CDH18: variants seen among roughly 807,000 people sequenced by gnomAD.
CDH18 encodes the protein cadherin-18.
A neutral mutation model predicts 67.9 loss-of-function variants in CDH18; 31 were observed. The observed-to-expected ratio is 0.46, with a 90% CI of 0.34 to 0.62. The LOEUF (loss-of-function observed/expected upper bound fraction) is 0.62, where lower values mean the gene tolerates loss of function less well. CDH18 is among the 20% of genes least tolerant of loss of function. The pLI is 0.01. For missense variants in CDH18, 890 were observed against 975.5 expected (o/e 0.91, Z 1.17); for synonymous variants, 362 against 347.2 (o/e 1.04, Z -0.48).
intron 2 of CDH18, among the ~76,000 whole-genome samples, chr5:20,109,917 C>T (rs1297900788): frequency 6.6e-6 from 1 of 152,094 alleles, no homozygotes; most frequent in Non-Finnish European, 1.5e-5. Flanking sequence ...AAACTAAATA[C>T]TTGTGTTAGA....
intron 2 of CDH18, among the ~76,000 whole-genome samples, chr5:19,935,417 C>T (rs1794127284): frequency 6.6e-6 from 1 of 151,260 alleles, no homozygotes; most frequent in Non-Finnish European, 1.5e-5. Flanking sequence ...GCTATTAATA[C>T]AGTATTTTAA....
At chr5:20,143,138 A>G (rs1177042110) in intron 2 of CDH18, among the ~76,000 whole-genome samples, 1 of 152,140 alleles carries the variant, frequency 6.6e-6, no homozygotes, top group East Asian at 1.9e-4. Flanking sequence ...GGAAAGGTAC[A>G]AAGTTCCCAT....
intron 2 of CDH18, among the ~76,000 whole-genome samples, chr5:20,153,597 A>G (rs6889786): frequency 0.43 from 65,322 of 151,958 alleles, 14,952 homozygotes; most frequent in Middle Eastern, 0.61. Flanking sequence ...AAAAATATAA[A>G]TTTATTTTCT....
intron 3 of CDH18, among the ~76,000 whole-genome samples, chr5:19,766,737 C>CCA (rs1327571275): frequency 3.3e-5 from 5 of 152,166 alleles, no homozygotes; most frequent in Admixed American, 2.6e-4. Flanking sequence ...GCCAACCCAT[C>CCA]CACATCTAAT....
At chr5:20,467,144 T>C (rs11955938) in intron 1 of CDH18, among the ~76,000 whole-genome samples, 76,133 of 151,906 alleles carry the variant, frequency 0.5, 19,403 homozygotes, top group Non-Finnish European at 0.52. Flanking sequence ...TTGTGTATAA[T>C]GTAGCAGTAG....
At chr5:20,496,991 G>T (rs1204099633) in intron 1 of CDH18, among the ~76,000 whole-genome samples, 1 of 152,098 alleles carries the variant, frequency 6.6e-6, no homozygotes, top group African/African-American at 2.4e-5. Flanking sequence ...TGTTCAGTGT[G>T]GCCCCACAGA....
At chr5:20,334,729 A>ATC (rs766458176) in intron 1 of CDH18, among the ~76,000 whole-genome samples, 1 of 129,694 alleles carries the variant, frequency 7.7e-6, no homozygotes, top group African/African-American at 3.3e-5. Flanking sequence ...GAGTGCTATG[A>ATC]TCTCTCTCTC....
intron 3 of CDH18, among the ~76,000 whole-genome samples, chr5:19,801,718 A>G (rs976277307): frequency 6.6e-6 from 1 of 152,226 alleles, no homozygotes; most frequent in Non-Finnish European, 1.5e-5. Flanking sequence ...TGTTTTCAAC[A>G]TTCTTTACAG....
chr5:19,638,164 G>A (rs1753436815), intron 5 of CDH18, among the ~76,000 whole-genome samples: 1 of 152,084 alleles, frequency 6.6e-6, no homozygotes, highest in Non-Finnish European at 1.5e-5. Context: ...TTAAATGAAA[G>A]AATAACTGAA....
At chr5:20,293,144 C>T (rs1403077420) in intron 1 of CDH18, among the ~76,000 whole-genome samples, 1 of 152,078 alleles carries the variant, frequency 6.6e-6, no homozygotes, top group Non-Finnish European at 1.5e-5. Flanking sequence ...TAGTGAAACT[C>T]TGTCTCTACT....
chr5:19,851,788 A>G (rs185028286), intron 2 of CDH18, among the ~76,000 whole-genome samples: 29 of 151,798 alleles, frequency 1.9e-4, no homozygotes, highest in Non-Finnish European at 3.5e-4. Context: ...TTCCCCTTGA[A>G]AAGCGTATAT....
intron 2 of CDH18, among the ~76,000 whole-genome samples, chr5:20,177,814 G>A (rs1737359924): frequency 1.3e-5 from 2 of 151,988 alleles, no homozygotes; most frequent in Admixed American, 1.3e-4. Flanking sequence ...TTTGACAAAG[G>A]GAAACCCATT....
chr5:19,792,780 T>A (rs970855072), intron 3 of CDH18, among the ~76,000 whole-genome samples: 1 of 152,072 alleles, frequency 6.6e-6, no homozygotes, highest in Non-Finnish European at 1.5e-5. Flanking sequence ...GACTTATAAA[T>A]AACATACAAA....
intron 1 of CDH18, among the ~76,000 whole-genome samples, chr5:20,444,134 A>G (rs1315692599): frequency 6.6e-6 from 1 of 152,060 alleles, no homozygotes; most frequent in Non-Finnish European, 1.5e-5. Context: ...AAGAATTTCT[A>G]GTTGTATTAT....
rs562017014 is a variant in CDH18, at chr5:20,080,241, C to CT, written c.-517-88228dup. On this transcript the variant is annotated intron_variant, in intron 2 of 14. Coordinates refer to the CDH18 transcript ENST00000507958. ...CTTGGCCTTTAGTCCACTTATTATC[C>CT]TTTTTTTATTACATTGGCCTTCCTT... 2.8e-4 allele frequency among the ~76,000 whole-genome samples: 42 copies of CT among 152,008 alleles called. No individual in the cohort carries two copies. In the East Asian group the frequency reaches 6.0e-3, roughly 22 times the overall value.
chr5:19,557,401 G>A (rs551451993), intron 8 of CDH18, among the ~76,000 whole-genome samples: 46 of 151,956 alleles, frequency 3.0e-4, no homozygotes, highest in African/African-American at 1.1e-3. Context: ...AGACTCACCT[G>A]ACACAGGACT....
intron 7 of CDH18, among the ~76,000 whole-genome samples, chr5:19,584,155 A>T (rs1186559135): frequency 1.3e-5 from 2 of 152,168 alleles, no homozygotes; most frequent in Non-Finnish European, 2.9e-5. Context: ...GAGTACATCC[A>T]ATTGCATTCA....
At position 19,658,729 on chromosome 5, in the gene CDH18, G is replaced by A. The variant is rs533832708; in HGVS notation, c.644-46128C>T. Among the ~76,000 whole-genome samples, 21 of 150,660 alleles carry A rather than the reference G, an allele frequency of 1.4e-4. No individual in the cohort carries two copies. The Middle Eastern group carries it at 0.01, about 75-fold the overall frequency. Reference sequence around the variant, plus strand: ...AGGTTTGTTACATATATATACATGCGCCATGTTGGTGTGCTGCACCCATTA... The same window carrying A: ...AGGTTTGTTACATATATATACATGCACCATGTTGGTGTGCTGCACCCATTA... On this transcript the variant is annotated intron_variant, in intron 5 of 12. Coordinates refer to ENST00000382275, the MANE Select transcript of CDH18 (RefSeq NM_004934.5).
intron 1 of CDH18, among the ~76,000 whole-genome samples, chr5:20,432,975 A>G (rs1748877532): frequency 6.7e-6 from 1 of 148,822 alleles, no homozygotes; most frequent in Admixed American, 6.8e-5. Flanking sequence ...GACAGCATAT[A>G]TAATAAATGT....
Sources: allele counts gnomAD v4.1 joint callset (sites outside exome capture counted in the v4.1 genomes callset), GRCh38; gene constraint gnomAD v4.1.1; transcripts MANE v1.5; gene names NCBI Gene and HGNC (gene_info 2026-07-23, HGNC 2026-07-21).